FAHD2A: variants seen among roughly 807,000 people sequenced by gnomAD.
FAHD2A encodes fumarylacetoacetate hydrolase domain containing 2A, also known as oxaloacetate tautomerase FAHD2A, mitochondrial.
Under a neutral mutation model 33.4 loss-of-function variants are expected in FAHD2A, and 27 were observed. That is an observed-to-expected ratio of 0.81 (90% CI 0.60 to 1.11). The LOEUF is 1.11. Ranked by LOEUF, FAHD2A falls within the 50% of genes most tolerant of loss-of-function variation. The pLI, the probability that FAHD2A is intolerant of heterozygous loss-of-function variation, is 0.00. For synonymous variants in FAHD2A, 130 were observed against 153.3 expected, an observed-to-expected ratio of 0.85 and a Z score of 1.12; for missense variants, 296 against 395.0, an observed-to-expected ratio of 0.75 and a Z score of 2.12.
rs1002781737 is a variant in FAHD2A at position 95,415,515 on chromosome 2, A to C, written c.*2558A>C. On this transcript the variant is annotated 3_prime_UTR_variant, in exon 8 of 8. Transcript: ENST00000233379. ...TATTAGGCATTCTCTTGATTCGGTA[A>C]ACACAAGCTGAATAAATTTATAAAT... 19 of 152,654 alleles carry C rather than the reference A, an allele frequency of 1.2e-4. No homozygotes were observed. The highest frequency in any genetic ancestry group is 2.5e-4 in the Non-Finnish European group (17 of 68,034). 9.5% of individuals were successfully genotyped at this position (152,654 alleles called of 1,614,324 possible). A position where few individuals can be genotyped will look rare whatever the true frequency, so the allele number is the denominator to read the frequency against.
Position 95,412,719 on chromosome 2 carries a change from C to G in FAHD2A, c.837C>G (p.Thr279=). 2 of 1,614,116 alleles carry G rather than the reference C, an allele frequency of 1.2e-6. No individual in the cohort carries two copies. Among genetic ancestry groups the G allele is most frequent in the East Asian group, 2.2e-5 (1 of 44,874 alleles). The change falls in exon 7 of 8, where the codon ACC becomes ACG. Residue 279 remains threonine (T), a synonymous_variant. Coordinates refer to ENST00000233379, the MANE Select transcript of FAHD2A (RefSeq NM_016044.3). ...CAGGGGATGTCATCCTAACTGGGAC[C>G]CCCCCAGGTGTCGGTGTATTCAGGA... The part of the protein sequence containing the change: ...FYPGDVILTG[T]PPGVGVFRKP...
In FAHD2A at chr2:95,410,972, T is replaced by A; in HGVS notation, c.631T>A (p.Phe211Ile). The stretch of plus-strand genomic sequence containing the variant: ...GAAACAATGGCTGCTGGGAAAAACC[T>A]TCGACACCTTCTGCCCTCTGGGCCC... ...NGKQWLLGKT[F>I]DTFCPLGPAL... The change falls in exon 5 of 8, where the codon TTC becomes ATC. Residue 211 changes from phenylalanine to isoleucine, a missense_variant. Phe to Ile is a conservative substitution (Grantham distance 21, BLOSUM62 0). Transcript: ENST00000233379. 5 of 1,613,996 alleles carry A rather than the reference T, an allele frequency of 3.1e-6. No homozygotes were observed. The highest frequency in any genetic ancestry group is 4.2e-6 in the Non-Finnish European group (5 of 1,179,864).
intron 5 of FAHD2A, 152 bp downstream of exon 5, chr2:95,411,178 C>G: frequency 7.7e-7 from 1 of 1,304,556 alleles, no homozygotes; most frequent in Non-Finnish European, 1.0e-6. Context: ...TTATCCTCAG[C>G]CACGAGTTCT....
intron 6 of FAHD2A, 56 bp downstream of exon 6, chr2:95,412,598 C>T: frequency 6.2e-7 from 1 of 1,613,448 alleles, no homozygotes; most frequent in Non-Finnish European, 8.5e-7. Flanking sequence ...CATGTGGAGG[C>T]TGACCTGAGC....
rs116625493 is a variant in FAHD2A at position 95,403,747 on chromosome 2, T to C, written c.-7+875T>C. Among the ~76,000 whole-genome samples, 212 of 152,344 alleles carry C rather than the reference T, an allele frequency of 1.4e-3. 1 individual carries two copies. Among genetic ancestry groups the C allele is most frequent in the African/African-American group, 4.9e-3 (202 of 41,576 alleles). Reference sequence around the variant, plus strand: ...AGGACTGTGTAACCTTGGGCAAATCTCTTAACCTCTTTAAGCCTTAATTGT... The same window carrying C: ...AGGACTGTGTAACCTTGGGCAAATCCCTTAACCTCTTTAAGCCTTAATTGT... On this transcript the variant is annotated intron_variant, in intron 1 of 7. Coordinates refer to ENST00000233379, the MANE Select transcript of FAHD2A (RefSeq NM_016044.3).
rs1286958406 is a variant in FAHD2A at position 95,410,576 on chromosome 2, A to C, written c.512A>C (p.Lys171Thr). 1 of 1,613,454 alleles carries C rather than the reference A, an allele frequency of 6.2e-7. No individual in the cohort carries two copies. The change falls in exon 4 of 8, where the codon AAG (lysine) becomes ACG (threonine). Residue 171 changes from lysine to threonine, a missense_variant. By Grantham distance (78) the Lys-to-Thr change is moderately conservative. Transcript: ENST00000233379. ...ELAVVIGKKG[K>T]HIKATDAMAH... ...GCCGTGGTCATTGGAAAGAAAGGCA[A>C]GCACATCAAGGTGAGGTGGAAAGGG...
chr2:95,421,347 T>C (rs1051139640), downstream of FAHD2A, among the ~76,000 whole-genome samples: 2 of 36,386 alleles, frequency 5.5e-5, no homozygotes, highest in African/African-American at 3.8e-4. Context: ...ACAAAAGGTA[T>C]AATGTTTGAC....
At chr2:95,417,901 G>C (rs1255726549), downstream of FAHD2A, among the ~76,000 whole-genome samples, 1 of 152,136 alleles carries the variant, frequency 6.6e-6, no homozygotes, top group Non-Finnish European at 1.5e-5. Flanking sequence ...CTGGTAGTTA[G>C]GGTTTCAACA....
chr2:95,404,294 ATT>A (rs113250091), intron 1 of FAHD2A, among the ~76,000 whole-genome samples: 5 of 145,972 alleles, frequency 3.4e-5, no homozygotes, highest in African/African-American at 1.3e-4. Context: ...AGCCCTGAGG[ATT>A]TTTTTTTTTT....
chr2:95,409,704 A>G (rs570821484), intron 3 of FAHD2A, among the ~76,000 whole-genome samples: 9 of 152,360 alleles, frequency 5.9e-5, no homozygotes, highest in East Asian at 1.9e-4. Flanking sequence ...CCTGTCTTCA[A>G]TATCACTGTG....
Position 95,413,532 on chromosome 2 carries a change from C to G in FAHD2A, c.*575C>G, listed in dbSNP as rs1469482712. 1.2e-6 allele frequency: 2 copies of G among 1,602,128 alleles called. No homozygotes were observed. The highest frequency in any genetic ancestry group is 2.2e-4 in the Middle Eastern group (1 of 4,568). On this transcript the variant is annotated 3_prime_UTR_variant, in exon 8 of 8. Coordinates refer to ENST00000233379, the MANE Select transcript of FAHD2A (RefSeq NM_016044.3). ...TGGCAAAAGTAGGGGACAGGTGGAG[C>G]CTGGGGCCTGCAGGGCTCGGCGTCT...
At chr2:95,409,816 CTT>C (rs1682184617) in intron 3 of FAHD2A, among the ~76,000 whole-genome samples, 1 of 152,222 alleles carries the variant, frequency 6.6e-6, no homozygotes, top group African/African-American at 2.4e-5. Context: ...ATTCCCGTCA[CTT>C]TTAGTATATC....
Position 95,413,246 on chromosome 2 carries a change from T to C in FAHD2A, c.*289T>C. On this transcript the variant is annotated 3_prime_UTR_variant, in exon 8 of 8. Transcript: ENST00000233379. Reference sequence around the variant, plus strand: ...ACACACACATATGCCAAAAAGATGCTGCTGGGCTGGGGAAAAGACAATTCG... The same window carrying C: ...ACACACACATATGCCAAAAAGATGCCGCTGGGCTGGGGAAAAGACAATTCG... 2 of 1,245,554 alleles carry C rather than the reference T, an allele frequency of 1.6e-6. No homozygotes were observed. Among genetic ancestry groups the C allele is most frequent in the Non-Finnish European group, 2.2e-6 (2 of 915,354 alleles). 77.2% of individuals were successfully genotyped at this position (1,245,554 alleles called of 1,614,324 possible).
Position 95,414,270 on chromosome 2 carries a change from G to A in FAHD2A, c.*1313G>A, listed in dbSNP as rs896873790. ...CACCAAAGATCCCTTCTTCCTGGGCGGTGGCCTGCAGGAACTGGAACAGCT... is the reference window on the plus strand; with the variant it reads ...CACCAAAGATCCCTTCTTCCTGGGCAGTGGCCTGCAGGAACTGGAACAGCT... On this transcript the variant is annotated 3_prime_UTR_variant, in exon 8 of 8. Coordinates refer to ENST00000233379, the MANE Select transcript of FAHD2A (RefSeq NM_016044.3). 4.0e-5 allele frequency: 62 copies of A among 1,551,848 alleles called. 3 individuals are homozygous for A. The South Asian group carries it at 5.1e-4, about 13-fold the overall frequency.
At position 95,413,661 on chromosome 2, in the gene FAHD2A, G is replaced by A; in HGVS notation, c.*704G>A. On this transcript the variant is annotated 3_prime_UTR_variant, in exon 8 of 8. Coordinates refer to ENST00000233379, the MANE Select transcript of FAHD2A (RefSeq NM_016044.3). The stretch of plus-strand genomic sequence containing the variant: ...GGCCTGTCCCCCAGAAACCTGCCTT[G>A]AGACCTCTGACCCCTTAGGCCTCAG... 1 of 1,325,520 alleles carries A rather than the reference G, an allele frequency of 7.5e-7. No homozygotes were observed. The highest frequency in any genetic ancestry group is 1.0e-6 in the Non-Finnish European group (1 of 988,012). The allele number at this position is 1,325,520 out of a possible 1,614,324, so 82.1% of individuals were successfully genotyped here. A position where few individuals can be genotyped will look rare whatever the true frequency, so the allele number is the denominator to read the frequency against.
chr2:95,403,143 C>T (rs1303705920), intron 1 of FAHD2A, among the ~76,000 whole-genome samples: 1 of 152,220 alleles, frequency 6.6e-6, no homozygotes, highest in Non-Finnish European at 1.5e-5. Flanking sequence ...GTTTCCACCT[C>T]ATGTCGCCGC....
In FAHD2A at chr2:95,413,697, C is replaced by T. The variant is rs547632069; in HGVS notation, c.*740C>T. 3 of 1,022,056 alleles carry T rather than the reference C, an allele frequency of 2.9e-6. No homozygotes were observed. Among genetic ancestry groups the T allele is most frequent in the African/African-American group, 3.3e-5 (2 of 61,302 alleles). 63.3% of individuals were successfully genotyped at this position (1,022,056 alleles called of 1,614,324 possible). On this transcript the variant is annotated 3_prime_UTR_variant, in exon 8 of 8. Coordinates refer to ENST00000233379, the MANE Select transcript of FAHD2A (RefSeq NM_016044.3). ...CCCCTTAGGCCTCAGTGTTTGAGTG[C>T]AAATGCTGCCTCAAAGCAGCCCCAA...
Position 95,411,021 on chromosome 2 carries a change from T to C in FAHD2A, c.680T>C (p.Val227Ala). 6.2e-7 allele frequency: 1 copy of C among 1,613,934 alleles called. No homozygotes were observed. Among genetic ancestry groups the C allele is most frequent in the South Asian group, 1.1e-5 (1 of 91,074 alleles). Residue 227 changes from valine (V) to alanine (A), a missense_variant, in exon 5 of 8, where the codon GTA becomes GCA. Val to Ala is a moderately conservative substitution (Grantham distance 64). Transcript: ENST00000233379. ...CCTGCCTTGGTGACCAAGGACAGTG[T>C]AGCAGGTAGGTCCCTGGTCCCTGCC... is the stretch of plus-strand genomic sequence containing the variant. ...LGPALVTKDS[V>A]ADPHNLKICC...
In FAHD2A at chr2:95,410,591, G is replaced by A. The variant is rs371852591; in HGVS notation, c.522+5G>A. 114 of 1,612,980 alleles carry A rather than the reference G, an allele frequency of 7.1e-5. No homozygotes were observed. The highest frequency in any genetic ancestry group is 8.9e-5 in the East Asian group (4 of 44,886). On this transcript the variant is annotated splice_donor_5th_base_variant and intron_variant, in intron 4 of 7. Transcript: ENST00000233379. ...AAGAAAGGCAAGCACATCAAGGTGA[G>A]GTGGAAAGGGTGGGCTCCCAGTCCA...
Sources: allele counts gnomAD v4.1 joint callset (sites outside exome capture counted in the v4.1 genomes callset), GRCh38; gene constraint gnomAD v4.1.1; transcripts MANE v1.5; gene names NCBI Gene and HGNC (gene_info 2026-07-23, HGNC 2026-07-21).